ARHGAP20: variants seen among roughly 807,000 people sequenced by gnomAD.
The protein encoded by ARHGAP20 is rho GTPase-activating protein 20.
Under a neutral mutation model 73.7 loss-of-function variants are expected in ARHGAP20, and 34 were observed. The ratio of observed to expected loss-of-function variants is 0.46; its 90% CI spans 0.35 to 0.61. The LOEUF (loss-of-function observed/expected upper bound fraction) is 0.61. Among genes scored for constraint, ARHGAP20 ranks in the 20% least tolerant of loss-of-function variants. The pLI is 0.00. For missense variants in ARHGAP20, 1,314 were observed against 1,420.9 expected (o/e 0.92, Z 1.21); for synonymous variants, 523 against 518.2 (o/e 1.01, Z -0.13).
intron 1 of ARHGAP20, among the ~76,000 whole-genome samples, chr11:110,700,680 C>A (rs146333368): frequency 0.022 from 3,261 of 151,404 alleles, 114 homozygotes; most frequent in African/African-American, 0.076. Flanking sequence ...TGCTGGTATG[C>A]TGCACCCACT....
chr11:110,598,991 C>A (rs149162059), intron 9 of ARHGAP20, among the ~76,000 whole-genome samples: 22 of 152,090 alleles, frequency 1.4e-4, no homozygotes, highest in African/African-American at 5.1e-4. Context: ...CCAGGAGCTG[C>A]ACCTGTCCAA....
At chr11:110,679,834 A>C (rs1389897627) in intron 2 of ARHGAP20, among the ~76,000 whole-genome samples, 1 of 152,182 alleles carries the variant, frequency 6.6e-6, no homozygotes, top group Non-Finnish European at 1.5e-5. Context: ...AAAGGCAGTG[A>C]CTCATAATCC....
Position 110,580,182 on chromosome 11 carries a change from C to A in ARHGAP20, c.2764G>T (p.Val922Phe), listed in dbSNP as rs201064483. 7 of 1,614,124 alleles carry A rather than the reference C, an allele frequency of 4.3e-6. No homozygotes were observed. The highest frequency in any genetic ancestry group is 2.2e-5 in the East Asian group (1 of 44,880). The change falls in exon 15 of 15, where the codon GTT becomes TTT. Residue 922 changes from valine (V) to phenylalanine (F), a missense_variant. This residue lies in a region of ARHGAP20 where 641 missense variants were observed against 636.9 expected (regional missense o/e 1.01). Coordinates refer to ENST00000683387, the MANE Select transcript of ARHGAP20 (RefSeq NM_001384657.1). ...CAAAGGTTTAATCTTGGGGGTAAAACCTTCTCAGTGTTTTGGTTTGTGGCA... is the reference window on the plus strand; with the variant it reads ...CAAAGGTTTAATCTTGGGGGTAAAAACTTCTCAGTGTTTTGGTTTGTGGCA... ...SSATNQNTEKVLPPRLNLCPR... is the reference protein window; with the variant it reads ...SSATNQNTEKFLPPRLNLCPR...
chr11:110,711,005 C>CAAAAAA (rs11461759), intron 1 of ARHGAP20, among the ~76,000 whole-genome samples: 10 of 82,546 alleles, frequency 1.2e-4, no homozygotes, highest in Admixed American at 1.3e-4. Context: ...TAAGACAAGG[C>CAAAAAA]AAAAAAAAAA....
chr11:110,613,827 C>A (rs17111539), intron 6 of ARHGAP20, among the ~76,000 whole-genome samples: 18,784 of 152,048 alleles, frequency 0.12, 1,413 homozygotes, highest in South Asian at 0.28. Flanking sequence ...TATTTTTCCA[C>A]ACACAAATAA....
Position 110,623,110 on chromosome 11 carries a change from AT to A in ARHGAP20, c.503+1051del, listed in dbSNP as rs371149214. Among the ~76,000 whole-genome samples the A allele has an allele frequency of 4.1e-4, 62 of 150,402 alleles. 1 individual carries two copies. The highest frequency in any genetic ancestry group is 1.1e-3 in the African/African-American group (45 of 41,084). On this transcript the variant is annotated intron_variant, in intron 4 of 14. Coordinates refer to ENST00000683387, the MANE Select transcript of ARHGAP20 (RefSeq NM_001384657.1). The stretch of plus-strand genomic sequence containing the variant: ...GATATGCTGAGAATGAAACAAACAC[AT>A]TTTTTTTTTCCAAATCAGTTCTTAA...
At chr11:110,624,913 G>A (rs568626715) in intron 3 of ARHGAP20, among the ~76,000 whole-genome samples, 3 of 151,804 alleles carry the variant, frequency 2.0e-5, no homozygotes, top group African/African-American at 7.3e-5. Flanking sequence ...AACTTCAAAT[G>A]TACTGCTGTT....
chr11:110,691,177 T>TA, intron 1 of ARHGAP20: 1 of 478,048 alleles, frequency 2.1e-6, no homozygotes, highest in Middle Eastern at 3.0e-4. Flanking sequence ...CTTCAAACAA[T>TA]AAAAAAATCT....
intron 2 of ARHGAP20, among the ~76,000 whole-genome samples, chr11:110,662,910 A>G (rs1053184235): frequency 2.0e-5 from 3 of 152,006 alleles, no homozygotes; most frequent in African/African-American, 7.2e-5. Context: ...AAGATGAACC[A>G]AGAACATCTT....
At chr11:110,707,256 T>C (rs1456399371) in intron 1 of ARHGAP20, among the ~76,000 whole-genome samples, 1 of 152,186 alleles carries the variant, frequency 6.6e-6, no homozygotes, top group Non-Finnish European at 1.5e-5. Context: ...TCAGAATATT[T>C]GAGTCTGATA....
At position 110,580,213 on chromosome 11, in the gene ARHGAP20, C is replaced by T. The variant is rs78158135; in HGVS notation, c.2733G>A (p.Lys911=). ...CAGTGTTTTGGTTTGTGGCACTACT[C>T]TTGCCCACCTCAATCCCCATGACTA... The part of the protein sequence containing the change: ...QSLVMGIEVG[K]SSATNQNTEK... Residue 911 remains lysine, a synonymous_variant, in exon 15 of 15, where the codon AAG becomes AAA. Transcript: ENST00000683387. 465 of 1,614,230 alleles carry T rather than the reference C, an allele frequency of 2.9e-4. 3 individuals are homozygous for T. The East Asian group carries it at 0.01, about 35-fold the overall frequency.
intron 2 of ARHGAP20, among the ~76,000 whole-genome samples, chr11:110,659,944 A>G (rs1949562803): frequency 2.0e-5 from 3 of 151,816 alleles, no homozygotes; most frequent in Admixed American, 1.3e-4. Context: ...TGGGAGATAT[A>G]CCTAATGCTA....
rs577289346 is a variant in ARHGAP20, at chr11:110,708,989, T to C, written c.105+3138A>G. Among the ~76,000 whole-genome samples the C allele has an allele frequency of 2.4e-3, 363 of 152,328 alleles. 1 individual carries two copies. The highest frequency in any genetic ancestry group is 4.2e-3 in the Non-Finnish European group (287 of 68,028). ...TAGCTAGTGGCTACTGAATGGACAC[T>C]GTAGATAAAGGCGTTCCATCATTAC... On this transcript the variant is annotated intron_variant, in intron 1 of 14. Coordinates refer to ENST00000683387, the MANE Select transcript of ARHGAP20 (RefSeq NM_001384657.1).
At chr11:110,693,009 C>A (rs528889516) in intron 1 of ARHGAP20, among the ~76,000 whole-genome samples, 1 of 152,002 alleles carries the variant, frequency 6.6e-6, no homozygotes, top group Admixed American at 6.6e-5. Flanking sequence ...AGAAAATCCT[C>A]CCAAGAATGA....
In ARHGAP20 at chr11:110,649,369, A is replaced by C. The variant is rs188123105; in HGVS notation, c.189-18577T>G. Among the ~76,000 whole-genome samples, 294 of 152,016 alleles carry C rather than the reference A, an allele frequency of 1.9e-3. 2 individuals are homozygous for C. The highest frequency in any genetic ancestry group is 6.8e-3 in the African/African-American group (284 of 41,500). ...TCTTTCATTTCATTTCACTATCCCC[A>C]AAACAAGAAACAAAACAAAAAACAG... On this transcript the variant is annotated intron_variant, in intron 2 of 14. Transcript: ENST00000683387.
intron 9 of ARHGAP20, among the ~76,000 whole-genome samples, chr11:110,604,433 A>C (rs1948176797): frequency 1.3e-5 from 2 of 152,184 alleles, no homozygotes; most frequent in Admixed American, 1.3e-4. Flanking sequence ...TGAGCAAGTC[A>C]TTAGCAAAAC....
chr11:110,659,721 G>T (rs1591149522), intron 2 of ARHGAP20, among the ~76,000 whole-genome samples: 1 of 151,982 alleles, frequency 6.6e-6, no homozygotes, highest in Non-Finnish European at 1.5e-5. Flanking sequence ...ATACTACGCA[G>T]CCATAAAAAA....
chr11:110,657,073 A>G (rs1949483176), intron 2 of ARHGAP20, among the ~76,000 whole-genome samples: 1 of 152,218 alleles, frequency 6.6e-6, no homozygotes, highest in South Asian at 2.1e-4. Context: ...GATTCAAGAG[A>G]GGTTATAATT....
At chr11:110,618,482 C>G (rs1053149661) in intron 4 of ARHGAP20, among the ~76,000 whole-genome samples, 1 of 152,214 alleles carries the variant, frequency 6.6e-6, no homozygotes, top group Non-Finnish European at 1.5e-5. Context: ...TTTTCCCATT[C>G]TTTCATACCG....
Sources: gnomAD v4.1 joint callset for allele counts (sites outside exome capture counted in the v4.1 genomes callset) on GRCh38, gnomAD v4.1.1 for gene constraint, gnomAD v4.1.1 regional missense constraint, MANE v1.5 for transcripts, NCBI Gene and HGNC (gene_info 2026-07-23, HGNC 2026-07-21) for gene names.